Variants in CD200R1L observed in about 807,000 individuals in gnomAD.
CD200R1L encodes cell surface glycoprotein CD200 receptor 2.
CD200R1L carries 14 observed loss-of-function variants against 24.8 expected under a neutral mutation model. The observed-to-expected ratio is 0.56, with a 90% CI of 0.37 to 0.88. The LOEUF (loss-of-function observed/expected upper bound fraction) is 0.88, where lower values mean the gene tolerates loss of function less well. CD200R1L is among the 40% of genes least tolerant of loss of function. The probability of loss-of-function intolerance (pLI) is 0.00; values close to 1 mark genes in which losing one functional copy is unlikely to be tolerated. For missense variants in CD200R1L, 299 were observed against 297.8 expected, an observed-to-expected ratio of 1.00 and a Z score of -0.03; for synonymous variants, 111 against 109.2, an observed-to-expected ratio of 1.02 and a Z score of -0.11.
intron 2 of CD200R1L, 80 bp downstream of exon 2, chr3:112,845,595 ATAAG>A: frequency 9.1e-7 from 1 of 1,104,392 alleles, no homozygotes; most frequent in South Asian, 1.3e-5. Context: ...GAAACACCTT[ATAAG>A]TAAGTAGATC....
intron 6 of CD200R1L, among the ~76,000 whole-genome samples, chr3:112,821,054 C>A: frequency 7.0e-6 from 1 of 142,816 alleles, no homozygotes; most frequent in African/African-American, 2.6e-5. Flanking sequence ...GAGACTCTGT[C>A]TCAAAAAAAA....
At chr3:112,835,644 G>C (rs902507372) in intron 3 of CD200R1L, among the ~76,000 whole-genome samples, 1 of 152,258 alleles carries the variant, frequency 6.6e-6, no homozygotes, top group Non-Finnish European at 1.5e-5. Context: ...CTGCCCTGGA[G>C]CCTCTCTACC....
intron 6 of CD200R1L, among the ~76,000 whole-genome samples, chr3:112,823,326 C>A (rs1030592431): frequency 6.6e-6 from 1 of 152,192 alleles, no homozygotes; most frequent in Non-Finnish European, 1.5e-5. Flanking sequence ...AATTATTAAA[C>A]CTGACAAGGG....
intron 6 of CD200R1L, among the ~76,000 whole-genome samples, chr3:112,824,709 T>C (rs1164194635): frequency 6.6e-6 from 1 of 152,130 alleles, no homozygotes; most frequent in South Asian, 2.1e-4. Context: ...GTCAGAAGCA[T>C]TGTGAATGAA....
chr3:112,827,013 A>T lies in CD200R1L; in HGVS notation c.596T>A (p.Leu199Gln), dbSNP rs912400011. The change falls in exon 6 of 8, where the codon CTG becomes CAG. Residue 199 changes from leucine (L) to glutamine (Q), a missense_variant. Coordinates refer to ENST00000488794, the MANE Select transcript of CD200R1L (RefSeq NM_001199215.3). Reference protein sequence around the residue: ...HVSHLTGNKSLSVKLNSGLRT... With the variant: ...HVSHLTGNKSQSVKLNSGLRT... Reference sequence around the variant, plus strand: ...CTTACCTGAATTCAACTTTACGGACAGACTCTTGTTGCCAGTCAAATGGGA... The same window carrying T: ...CTTACCTGAATTCAACTTTACGGACTGACTCTTGTTGCCAGTCAAATGGGA... The T allele has an allele frequency of 6.2e-7, 1 of 1,609,408 alleles. No individual in the cohort carries two copies. The highest frequency in any genetic ancestry group is 8.5e-7 in the Non-Finnish European group (1 of 1,178,836).
chr3:112,839,732 G>A (rs2107351752), intron 2 of CD200R1L, among the ~76,000 whole-genome samples: 1 of 152,318 alleles, frequency 6.6e-6, no homozygotes, highest in Middle Eastern at 3.4e-3. Context: ...CAAAAGCTGA[G>A]GAAACTGAGC....
rs893186494 is a variant in CD200R1L, at chr3:112,829,163, C to A, written c.49+156G>T. On this transcript the variant is annotated intron_variant, in intron 4 of 7. Transcript: ENST00000488794. ...TATGGCTTGTTTGGAGAACTAGAGA[C>A]TGGGACATTCAGGGTCCTTCGTACC... Among the ~76,000 whole-genome samples, 3 of 152,198 alleles carry A rather than the reference C, an allele frequency of 2.0e-5. No homozygotes were observed. In the East Asian group the frequency reaches 5.8e-4, roughly 29 times the overall value.
In CD200R1L at chr3:112,821,268, C is replaced by A. The variant is rs543365540; in HGVS notation, c.617-1373G>T. Among the ~76,000 whole-genome samples the A allele has an allele frequency of 1.5e-4, 23 of 152,190 alleles. 1 individual carries two copies. In the South Asian group the frequency reaches 4.8e-3, roughly 32 times the overall value. On this transcript the variant is annotated intron_variant, in intron 6 of 7. Transcript: ENST00000488794. Reference sequence around the variant, plus strand: ...GATATGGTTACAGTCCTCAAAATATCTTATAATCCAACTGGAGAAGTCAGA... The same window carrying A: ...GATATGGTTACAGTCCTCAAAATATATTATAATCCAACTGGAGAAGTCAGA...
In CD200R1L at chr3:112,815,801, C is replaced by T. The variant is rs991986938; in HGVS notation, c.*162G>A. The T allele has an allele frequency of 1.6e-6, 1 of 608,684 alleles. No homozygotes were observed. Among genetic ancestry groups the T allele is most frequent in the Non-Finnish European group, 3.0e-6 (1 of 334,294 alleles). The allele number at this position is 608,684 out of a possible 1,614,324, so 37.7% of individuals were successfully genotyped here. A position where few individuals can be genotyped will look rare whatever the true frequency, so the allele number is the denominator to read the frequency against. On this transcript the variant is annotated 3_prime_UTR_variant, in exon 8 of 8. Transcript: ENST00000488794. ...ATAGGGAAACTTCATGGTCATCAAGCCCAGGATCCTTCTTCCATCTTTCTT... is the reference window on the plus strand; with the variant it reads ...ATAGGGAAACTTCATGGTCATCAAGTCCAGGATCCTTCTTCCATCTTTCTT...
At chr3:112,825,708 A>G (rs1033747099) in intron 6 of CD200R1L, among the ~76,000 whole-genome samples, 6 of 152,154 alleles carry the variant, frequency 3.9e-5, no homozygotes, top group African/African-American at 7.2e-5. Context: ...CAGAAGAAAA[A>G]TAGGCGTGTT....
chr3:112,832,020 CCG>C (rs1938813664), intron 3 of CD200R1L, among the ~76,000 whole-genome samples: 1 of 152,080 alleles, frequency 6.6e-6, no homozygotes, highest in South Asian at 2.1e-4. Context: ...CTCATTTTTA[CCG>C]AGGTGACCCA....
chr3:112,834,610 T>C (rs1449096250), intron 3 of CD200R1L, among the ~76,000 whole-genome samples: 2 of 152,200 alleles, frequency 1.3e-5, no homozygotes, highest in Non-Finnish European at 2.9e-5. Context: ...CTGGAAACCT[T>C]TGTGGCCAAT....
chr3:112,823,917 G>A (rs983786755), intron 6 of CD200R1L, among the ~76,000 whole-genome samples: 4 of 66,380 alleles, frequency 6.0e-5, no homozygotes, highest in African/African-American at 1.1e-4. Flanking sequence ...ATAGTGAAGC[G>A]CAAGGCAGGT....
chr3:112,832,738 T>C (rs1938832088), intron 3 of CD200R1L, among the ~76,000 whole-genome samples: 1 of 152,222 alleles, frequency 6.6e-6, no homozygotes, highest in African/African-American at 2.4e-5. Flanking sequence ...TGGTTATTGA[T>C]CTGGTAAATG....
chr3:112,824,975 C>T (rs956296271), intron 6 of CD200R1L, among the ~76,000 whole-genome samples: 24 of 152,168 alleles, frequency 1.6e-4, no homozygotes, highest in African/African-American at 5.6e-4. Flanking sequence ...CGGTGGCTCA[C>T]GCCTGGAATT....
chr3:112,836,335 A>T (rs1437912127), intron 3 of CD200R1L, among the ~76,000 whole-genome samples: 1 of 152,258 alleles, frequency 6.6e-6, no homozygotes, highest in African/African-American at 2.4e-5. Context: ...AGAATAGGAC[A>T]TCAATAGGCA....
At chr3:112,827,788 A>G (rs1217450175) in intron 4 of CD200R1L, 104 bp from the exon 5 acceptor site, 1 of 1,120,018 alleles carries the variant, frequency 8.9e-7, no homozygotes, top group Non-Finnish European at 1.3e-6. Context: ...TAGAACATAA[A>G]TTTGCTGATC....
At chr3:112,827,311 T>C in intron 5 of CD200R1L, 56 bp downstream of exon 5, 1 of 1,589,400 alleles carries the variant, frequency 6.3e-7, no homozygotes, top group Admixed American at 1.7e-5. Flanking sequence ...AGAGAGACAT[T>C]TGTTTCAGTC....
In CD200R1L at chr3:112,827,565, T is replaced by A; in HGVS notation, c.169A>T (p.Thr57Ser). The change falls in exon 5 of 8, where the codon ACA becomes TCA. Residue 57 changes from threonine to serine, a missense_variant. Coordinates refer to ENST00000488794, the MANE Select transcript of CD200R1L (RefSeq NM_001199215.3). ...EIILRGQPSCTKAYKKETNET... is the reference protein window; with the variant it reads ...EIILRGQPSCSKAYKKETNET... ...TTTGTTTCTTTCTTGTAGGCTTTTG[T>A]GCAGGAAGGCTGGCCTCTCAGGATT... 3 of 1,614,120 alleles carry A rather than the reference T, an allele frequency of 1.9e-6. No homozygotes were observed. Among genetic ancestry groups the A allele is most frequent in the Non-Finnish European group, 1.7e-6 (2 of 1,179,982 alleles).
Sources: allele counts gnomAD v4.1 joint callset (sites outside exome capture counted in the v4.1 genomes callset), GRCh38; gene constraint gnomAD v4.1.1; transcripts MANE v1.5; gene names NCBI Gene and HGNC (gene_info 2026-07-23, HGNC 2026-07-21).